Variants in HERC3 observed in about 807,000 individuals in gnomAD.
HERC3 encodes the protein HECT and RLD domain containing E3 ubiquitin protein ligase 3.
A neutral mutation model predicts 129.9 loss-of-function variants in HERC3; 58 were observed. That is an observed-to-expected ratio of 0.45 (90% confidence interval 0.36 to 0.56). The LOEUF is 0.56. HERC3 is among the 20% of genes least tolerant of loss of function. HERC3 has a pLI of 0.00. For missense variants in HERC3, 835 were observed against 1,244.2 expected (o/e 0.67, Z 4.95); for synonymous variants, 430 against 451.0 (o/e 0.95, Z 0.59).
intron 9 of HERC3, 163 bp from the exon 10 acceptor site, chr4:88,658,252 A>G (rs1730127651): frequency 4.7e-6 from 2 of 422,066 alleles, no homozygotes; most frequent in Non-Finnish European, 8.4e-6. Flanking sequence ...TGAAGTAGAA[A>G]CAGTCCTAGG....
At chr4:88,655,427 C>A in intron 8 of HERC3, 123 bp downstream of exon 8, 2 of 1,120,142 alleles carry the variant, frequency 1.8e-6, no homozygotes, top group Non-Finnish European at 2.6e-6. Flanking sequence ...ACTGCATGCA[C>A]GCCTATGGTG....
chr4:88,672,225 A>G (rs1731685783), intron 16 of HERC3, among the ~76,000 whole-genome samples: 1 of 152,208 alleles, frequency 6.6e-6, no homozygotes, highest in Middle Eastern at 3.2e-3. Context: ...TAAAATCTAG[A>G]TTATTATGAC....
chr4:88,548,419 GCTTTTGATTTGC>G, the HERC3 span, among the ~76,000 whole-genome samples: 2 of 152,074 alleles, frequency 1.3e-5, no homozygotes, highest in Admixed American at 1.3e-4. Flanking sequence ...ATCTCCATGT[GCTTTTGATTTGC>G]CTTTCCCTGA....
chr4:88,655,302 C>T lies in HERC3; in HGVS notation c.906C>T (p.Gly302=). ...MGSEVTQIAC[G]RQHTLAFVPS... ...GTGAAGTAACTCAAATTGCTTGTGG[C>T]AGGTGAGTGTTCCTCAAAGCTTGCT... The change falls in exon 8 of 26, where the codon GGC becomes GGT. Residue 302 remains glycine (G), a splice_region_variant and synonymous_variant. Transcript: ENST00000402738. The T allele has an allele frequency of 6.2e-7, 1 of 1,613,164 alleles. No individual in the cohort carries two copies. Among genetic ancestry groups the T allele is most frequent in the Non-Finnish European group, 8.5e-7 (1 of 1,179,406 alleles).
In HERC3 at chr4:88,677,983, AC is replaced by A. The variant is rs746708236; in HGVS notation, c.2047del (p.Leu683CysfsTer34). On this transcript the variant is annotated frameshift_variant, in exon 19 of 26. Coordinates refer to ENST00000402738, the MANE Select transcript of HERC3 (RefSeq NM_014606.3). LOFTEE classifies it high-confidence loss of function. Reference sequence around the variant, plus strand: ...TTCCAGGTGGCAGTCAATGGAGCCAACCTGCAGAATGTCTTCATGCTTCTCA... The same window carrying A: ...TTCCAGGTGGCAGTCAATGGAGCCAACTGCAGAATGTCTTCATGCTTCTCA... ...LQMQVAVNGA[N>X]LQNVFMLLTL... 1 of 1,612,940 alleles carries A rather than the reference AC, an allele frequency of 6.2e-7. No individual in the cohort carries two copies. Among genetic ancestry groups the A allele is most frequent in the East Asian group, 2.2e-5 (1 of 44,878 alleles).
In HERC3 at chr4:88,667,364, T is replaced by G; in HGVS notation, c.1332-13T>G. The G allele has an allele frequency of 6.8e-7, 1 of 1,471,754 alleles. No homozygotes were observed. Among genetic ancestry groups the G allele is most frequent in the South Asian group, 1.2e-5 (1 of 83,476 alleles). The allele number at this position is 1,471,754 out of a possible 1,614,324, so 91.2% of individuals were successfully genotyped here. Reference sequence around the variant, plus strand: ...TTCTTTTATTATATACCTTTTTGATTTTGTTTGTTTAGAATTGATGAACAT... The same window carrying G: ...TTCTTTTATTATATACCTTTTTGATGTTGTTTGTTTAGAATTGATGAACAT... On this transcript the variant is annotated splice_polypyrimidine_tract_variant and intron_variant, in intron 12 of 25. Coordinates refer to ENST00000402738, the MANE Select transcript of HERC3 (RefSeq NM_014606.3).
chr4:88,614,582 A>G (rs1055578224), intron 3 of HERC3, among the ~76,000 whole-genome samples: 2 of 152,174 alleles, frequency 1.3e-5, no homozygotes, highest in African/African-American at 4.8e-5. Flanking sequence ...CTTGAAACCC[A>G]TTAGACTACT....
the HERC3 span, among the ~76,000 whole-genome samples, chr4:88,585,936 G>A: frequency 3.9e-5 from 6 of 152,204 alleles, no homozygotes; most frequent in South Asian, 1.2e-3. Context: ...TACTGGTAAG[G>A]GGGCTAGAGA....
the HERC3 span, among the ~76,000 whole-genome samples, chr4:88,560,392 G>A: frequency 1.3e-5 from 2 of 152,154 alleles, no homozygotes; most frequent in African/African-American, 4.8e-5. Context: ...TATCTTCTTT[G>A]GAGAAAGACA....
chr4:88,672,334 G>A (rs1731696943), intron 16 of HERC3, among the ~76,000 whole-genome samples: 1 of 151,998 alleles, frequency 6.6e-6, no homozygotes, highest in Non-Finnish European at 1.5e-5. Context: ...TTGAATAACA[G>A]ATGCTCATCT....
the HERC3 span, among the ~76,000 whole-genome samples, chr4:88,545,430 C>CCTTTTTTTTTTTTTTTTTTT: frequency 1.2e-3 from 130 of 110,390 alleles, 18 homozygotes; most frequent in East Asian, 0.013. Flanking sequence ...TTTGAGAATT[C>CCTTTTTTTTTTTTTTTTTTT]TTTTTTTTTT....
intron 7 of HERC3, among the ~76,000 whole-genome samples, 172 bp from the exon 8 acceptor site, chr4:88,655,002 C>T (rs1378490873): frequency 1.3e-5 from 2 of 152,146 alleles, no homozygotes; most frequent in African/African-American, 4.8e-5. Flanking sequence ...GTCTGAAATT[C>T]CCTTTTTATT....
the HERC3 span, among the ~76,000 whole-genome samples, chr4:88,531,948 T>G: frequency 6.6e-6 from 1 of 152,144 alleles, no homozygotes; most frequent in East Asian, 1.9e-4. Context: ...ACACCAAAAC[T>G]CCAGAAGCAG....
intron 2 of HERC3, among the ~76,000 whole-genome samples, chr4:88,598,462 A>C (rs1319500806): frequency 6.6e-6 from 1 of 152,230 alleles, no homozygotes; most frequent in East Asian, 1.9e-4. Context: ...GATTTGGCAG[A>C]ATGCAGCTAG....
At chr4:88,617,648 G>C (rs1273989452) in intron 3 of HERC3, among the ~76,000 whole-genome samples, 1 of 152,124 alleles carries the variant, frequency 6.6e-6, no homozygotes, top group Non-Finnish European at 1.5e-5. Context: ...GAGGCAGGTG[G>C]ATCATGAGGT....
At chr4:88,538,695 C>T in the HERC3 span, among the ~76,000 whole-genome samples, 1 of 152,094 alleles carries the variant, frequency 6.6e-6, no homozygotes, top group East Asian at 1.9e-4. Flanking sequence ...AGGTGCACGC[C>T]ACCATGCCTA....
chr4:88,607,701 T>C (rs1723824436), intron 3 of HERC3, among the ~76,000 whole-genome samples: 1 of 152,204 alleles, frequency 6.6e-6, no homozygotes, highest in South Asian at 2.1e-4. Flanking sequence ...ACTCTTGAGC[T>C]CAAGCAATCT....
chr4:88,697,134 ATCGATAT>A, intron 23 of HERC3: 1 of 1,411,404 alleles, frequency 7.1e-7, no homozygotes, highest in African/African-American at 1.5e-5. Context: ...TTTTAAGTCC[ATCGATAT>A]TCTGGGAAAA....
chr4:88,555,281 CAA>C, the HERC3 span, among the ~76,000 whole-genome samples: 8 of 110,434 alleles, frequency 7.2e-5, no homozygotes, highest in Admixed American at 9.3e-5. Context: ...GACTCCGTCT[CAA>C]AAAAAAAAAA....
Sources: gnomAD v4.1 joint callset for allele counts (sites outside exome capture counted in the v4.1 genomes callset) on GRCh38, gnomAD v4.1.1 for gene constraint, MANE v1.5 for transcripts, NCBI Gene and HGNC (gene_info 2026-07-23, HGNC 2026-07-21) for gene names.